ASIC2: variants seen among roughly 807,000 people sequenced by gnomAD.
ASIC2 encodes the protein acid sensing ion channel subunit 2.
ASIC2 carries 25 observed loss-of-function variants against 57.3 expected under a neutral mutation model. That is an observed-to-expected ratio of 0.44 (90% CI 0.32 to 0.61). The LOEUF is 0.61. Ranked by LOEUF, ASIC2 falls within the 20% of genes least tolerant of loss-of-function variation. ASIC2 has a pLI of 0.06. For missense variants in ASIC2, 641 were observed against 738.1 expected, an observed-to-expected ratio of 0.87 and a Z score of 1.52; for synonymous variants, 319 against 307.5, an observed-to-expected ratio of 1.04 and a Z score of -0.39.
intron 1 of ASIC2, among the ~76,000 whole-genome samples, chr17:34,058,888 T>C (rs546605832): frequency 1.8e-4 from 28 of 152,180 alleles, no homozygotes; most frequent in Non-Finnish European, 3.7e-4. Context: ...TATTATGACC[T>C]ATATTTCATA....
At chr17:33,413,629 C>A (rs545197865) in intron 1 of ASIC2, among the ~76,000 whole-genome samples, 7 of 152,344 alleles carry the variant, frequency 4.6e-5, no homozygotes, top group African/African-American at 1.7e-4. Context: ...CTCCCAGTAG[C>A]CTTTTGCATC....
intron 1 of ASIC2, among the ~76,000 whole-genome samples, chr17:33,981,679 G>A (rs1468405998): frequency 2.0e-5 from 3 of 148,024 alleles, no homozygotes; most frequent in Non-Finnish European, 1.5e-5. Context: ...AAGAAGGAAG[G>A]AAGGAAGGAA....
At chr17:33,192,044 TTCTC>T (rs1039432579) in intron 1 of ASIC2, among the ~76,000 whole-genome samples, 1 of 152,128 alleles carries the variant, frequency 6.6e-6, no homozygotes, top group Non-Finnish European at 1.5e-5. Context: ...TTCCTCTTTC[TTCTC>T]TCTCTCCCTC....
At chr17:33,981,226 G>A (rs1391514708) in intron 1 of ASIC2, among the ~76,000 whole-genome samples, 2 of 151,926 alleles carry the variant, frequency 1.3e-5, no homozygotes, top group African/African-American at 2.4e-5. Flanking sequence ...CTGGGATTAC[G>A]GGCGTGAGCC....
chr17:33,496,214 G>C (rs991800191), intron 1 of ASIC2, among the ~76,000 whole-genome samples: 1 of 152,122 alleles, frequency 6.6e-6, no homozygotes, highest in Non-Finnish European at 1.5e-5. Flanking sequence ...GGCTTGGACC[G>C]GGCTATTGGA....
Position 33,255,410 on chromosome 17 carries a change from CTCTA to C in ASIC2, c.708+35994_708+35997del, listed in dbSNP as rs201412225. ...CTGGAAAAAAAGAGAGTGGTTAGAT[CTCTA>C]TCTGTTGACACGCGATAAGGTAAAA... On this transcript the variant is annotated intron_variant, in intron 1 of 9. Coordinates refer to ENST00000225823, the MANE Select transcript of ASIC2 (RefSeq NM_183377.2). 8.9e-3 allele frequency among the ~76,000 whole-genome samples: 1,362 copies of C among 152,180 alleles called. 27 individuals carry two copies. Among genetic ancestry groups the C allele is most frequent in the African/African-American group, 0.031 (1,303 of 41,504 alleles).
At chr17:33,799,455 T>TTTC (rs1233913968) in intron 1 of ASIC2, among the ~76,000 whole-genome samples, 25 of 109,704 alleles carry the variant, frequency 2.3e-4, no homozygotes, top group Middle Eastern at 4.9e-3. Flanking sequence ...TCTTTCTTTC[T>TTTC]TTCTTTCTTT....
At chr17:33,191,120 A>G (rs981071656) in intron 1 of ASIC2, among the ~76,000 whole-genome samples, 1 of 152,216 alleles carries the variant, frequency 6.6e-6, no homozygotes, top group Non-Finnish European at 1.5e-5. Flanking sequence ...TGGTATACCT[A>G]CACAATAGAA....
chr17:33,643,825 A>G (rs1906657335), intron 1 of ASIC2, among the ~76,000 whole-genome samples: 1 of 152,222 alleles, frequency 6.6e-6, no homozygotes, highest in Admixed American at 6.5e-5. Flanking sequence ...TAGGCACTCA[A>G]TAAATGGTGG....
chr17:33,221,106 G>A (rs1907674473), intron 1 of ASIC2, among the ~76,000 whole-genome samples: 1 of 152,004 alleles, frequency 6.6e-6, no homozygotes, highest in Non-Finnish European at 1.5e-5. Context: ...AAGAATGCCA[G>A]GTGTAGGCAG....
At chr17:34,087,340 TTTTC>T (rs1380948727) in intron 1 of ASIC2, among the ~76,000 whole-genome samples, 3 of 151,994 alleles carry the variant, frequency 2.0e-5, no homozygotes, top group South Asian at 2.1e-4. Flanking sequence ...TTGAAAATTC[TTTTC>T]TTTAAGAATG....
chr17:33,521,867 G>C (rs2141955504), intron 1 of ASIC2, among the ~76,000 whole-genome samples: 2 of 152,320 alleles, frequency 1.3e-5, no homozygotes, highest in South Asian at 4.1e-4. Context: ...GGGGACCCAG[G>C]CTGTTCCTCT....
chr17:33,343,341 A>G (rs1907807085), intron 1 of ASIC2, among the ~76,000 whole-genome samples: 1 of 152,184 alleles, frequency 6.6e-6, no homozygotes. Flanking sequence ...TCTCTGATGT[A>G]GTTCCGTGAT....
intron 1 of ASIC2, among the ~76,000 whole-genome samples, chr17:33,843,871 T>C (rs1354987134): frequency 2.0e-5 from 3 of 152,234 alleles, no homozygotes; most frequent in Non-Finnish European, 4.4e-5. Flanking sequence ...ATCATGACTC[T>C]GATGAGTTAC....
At chr17:33,946,305 C>T (rs767727121) in intron 1 of ASIC2, among the ~76,000 whole-genome samples, 2 of 148,572 alleles carry the variant, frequency 1.3e-5, no homozygotes, top group Non-Finnish European at 3.0e-5. Flanking sequence ...ACGACTGGGA[C>T]AGGTTGTTGG....
At chr17:33,891,561 C>T (rs569514566) in intron 1 of ASIC2, among the ~76,000 whole-genome samples, 1 of 152,184 alleles carries the variant, frequency 6.6e-6, no homozygotes, top group African/African-American at 2.4e-5. Context: ...CAGAAAAAAA[C>T]TAACTTTTCT....
chr17:33,288,221 T>A lies in ASIC2; in HGVS notation c.708+3187A>T, dbSNP rs73984484. ...GGGGCAAGAAGGGGAAGGCATCAGT[T>A]GTTTGGTGATGTGGCATAGATGCAG... On this transcript the variant is annotated intron_variant, in intron 1 of 9. Coordinates refer to ENST00000225823, the MANE Select transcript of ASIC2 (RefSeq NM_183377.2). Among the ~76,000 whole-genome samples, 1,130 of 152,118 alleles carry A rather than the reference T, an allele frequency of 7.4e-3. 20 individuals carry two copies. Among genetic ancestry groups the A allele is most frequent in the African/African-American group, 0.026 (1,080 of 41,478 alleles).
chr17:33,695,791 G>GTCAT (rs1281961525), intron 1 of ASIC2, among the ~76,000 whole-genome samples: 4 of 152,092 alleles, frequency 2.6e-5, no homozygotes, highest in African/African-American at 9.7e-5. Context: ...TAAATTTAAT[G>GTCAT]TCATTCTTCC....
intron 1 of ASIC2, among the ~76,000 whole-genome samples, chr17:33,322,138 G>A (rs72819194): frequency 0.1 from 15,648 of 152,212 alleles, 844 homozygotes; most frequent in Middle Eastern, 0.18. Context: ...GAGTGGAGAA[G>A]GTGGGTTTGT....
Sources: allele counts gnomAD v4.1 joint callset (sites outside exome capture counted in the v4.1 genomes callset), GRCh38; gene constraint gnomAD v4.1.1; transcripts MANE v1.5; gene names NCBI Gene and HGNC (gene_info 2026-07-23, HGNC 2026-07-21).